Variants in TMC1 observed in about 807,000 individuals in gnomAD.
TMC1 encodes transmembrane channel-like protein 1.
Under a neutral mutation model 105.8 loss-of-function variants are expected in TMC1, and 84 were observed. The ratio of observed to expected loss-of-function variants is 0.79; its 90% confidence interval spans 0.67 to 0.95. The LOEUF is 0.95. Ranked by LOEUF, TMC1 falls within the 40% of genes least tolerant of loss-of-function variation. The probability of loss-of-function intolerance (pLI) is 0.00; values close to 1 mark genes in which losing one functional copy is unlikely to be tolerated. For synonymous variants in TMC1, 315 were observed against 311.5 expected (o/e 1.01, Z -0.12); for missense variants, 817 against 914.1 (o/e 0.89, Z 1.37).
intron 3 of TMC1, among the ~76,000 whole-genome samples, chr9:72,617,034 C>A (rs972689356): frequency 6.6e-6 from 1 of 152,074 alleles, no homozygotes; most frequent in African/African-American, 2.4e-5. Context: ...TGTATTTAAG[C>A]AAAATTAAGT....
intron 8 of TMC1, among the ~76,000 whole-genome samples, chr9:72,717,725 A>G (rs1315546992): frequency 1.3e-5 from 2 of 152,020 alleles, no homozygotes; most frequent in Non-Finnish European, 2.9e-5. Context: ...AGCTCTTAAG[A>G]TTTTTCCCTC....
intron 2 of TMC1, among the ~76,000 whole-genome samples, chr9:72,595,164 C>T (rs913153409): frequency 6.6e-6 from 1 of 152,090 alleles, no homozygotes; most frequent in African/African-American, 2.4e-5. Context: ...ACATGCCTGG[C>T]CTCCTCTGCT....
At chr9:72,659,729 T>G (rs1825946021) in intron 5 of TMC1, among the ~76,000 whole-genome samples, 1 of 152,194 alleles carries the variant, frequency 6.6e-6, no homozygotes, top group Non-Finnish European at 1.5e-5. Context: ...GAACTATAAT[T>G]ATAGTTAGTA....
intron 12 of TMC1, among the ~76,000 whole-genome samples, chr9:72,761,888 C>T (rs566757201): frequency 6.6e-6 from 1 of 152,268 alleles, no homozygotes; most frequent in South Asian, 2.1e-4. Flanking sequence ...TGGAATAACA[C>T]ATCTTTTGTT....
At chr9:72,812,605 C>A (rs1828724077) in intron 18 of TMC1, among the ~76,000 whole-genome samples, 1 of 152,196 alleles carries the variant, frequency 6.6e-6, no homozygotes, top group Non-Finnish European at 1.5e-5. Context: ...GATCTGAGGC[C>A]AGGCCCGAGA....
intron 1 of TMC1, among the ~76,000 whole-genome samples, chr9:72,523,693 A>T (rs1476584940): frequency 1.3e-5 from 2 of 151,902 alleles, no homozygotes; most frequent in African/African-American, 4.8e-5. Flanking sequence ...GAGGTGCAGG[A>T]GGTGGAAGGG....
intron 4 of TMC1, among the ~76,000 whole-genome samples, chr9:72,629,670 A>G (rs956906492): frequency 1.3e-5 from 2 of 152,208 alleles, no homozygotes; most frequent in Non-Finnish European, 2.9e-5. Context: ...GCTTGAGAGC[A>G]TATAACTTAT....
intron 5 of TMC1, among the ~76,000 whole-genome samples, chr9:72,682,560 C>G (rs1251605286): frequency 6.6e-6 from 1 of 152,148 alleles, no homozygotes; most frequent in East Asian, 1.9e-4. Context: ...CTAGAAGTAG[C>G]AAAGATAAAG....
intron 13 of TMC1, among the ~76,000 whole-genome samples, chr9:72,784,382 C>T (rs1828137693): frequency 6.6e-6 from 1 of 151,820 alleles, no homozygotes; most frequent in African/African-American, 2.4e-5. Context: ...GAGATACTAT[C>T]TCACACCAGT....
intron 1 of TMC1, among the ~76,000 whole-genome samples, chr9:72,560,338 G>C (rs1824023796): frequency 6.6e-6 from 1 of 152,168 alleles, no homozygotes; most frequent in Non-Finnish European, 1.5e-5. Context: ...TGCATGTACA[G>C]TATAAACACC....
intron 4 of TMC1, among the ~76,000 whole-genome samples, chr9:72,634,333 TA>T (rs1245831535): frequency 2.6e-5 from 4 of 152,228 alleles, no homozygotes; most frequent in African/African-American, 7.2e-5. Context: ...GAGGGGAAGT[TA>T]AAAATCTTGT....
intron 17 of TMC1, among the ~76,000 whole-genome samples, chr9:72,797,054 G>C (rs189704239): frequency 1.3e-5 from 2 of 151,964 alleles, no homozygotes; most frequent in Non-Finnish European, 2.9e-5. Context: ...AAAATTGCTC[G>C]CATTCTTATA....
intron 19 of TMC1, among the ~76,000 whole-genome samples, chr9:72,817,569 A>G (rs1000408369): frequency 5.3e-5 from 8 of 152,298 alleles, no homozygotes; most frequent in Admixed American, 5.2e-4. Context: ...TGGCTTTTAC[A>G]CAAAGTGTCA....
At chr9:72,821,729 G>A (rs1828876378) in intron 20 of TMC1, among the ~76,000 whole-genome samples, 1 of 152,212 alleles carries the variant, frequency 6.6e-6, no homozygotes, top group Admixed American at 6.5e-5. Context: ...TGGTCTGGAT[G>A]TGAGTTTGCC....
chr9:72,621,440 C>T (rs930517898), intron 3 of TMC1, among the ~76,000 whole-genome samples: 1 of 152,112 alleles, frequency 6.6e-6, no homozygotes, highest in African/African-American at 2.4e-5. Context: ...TCCAAGTCCT[C>T]AATCCAAAAG....
chr9:72,602,784 T>C (rs1004352607), intron 2 of TMC1, among the ~76,000 whole-genome samples: 4 of 152,204 alleles, frequency 2.6e-5, no homozygotes, highest in South Asian at 2.1e-4. Context: ...TTTTCTGAGA[T>C]GAATGCTGTT....
chr9:72,751,615 T>G (rs1165829765), intron 10 of TMC1, among the ~76,000 whole-genome samples: 1 of 152,216 alleles, frequency 6.6e-6, no homozygotes, highest in Non-Finnish European at 1.5e-5. Flanking sequence ...TCACATGCAG[T>G]CTGCATAACT....
intron 3 of TMC1, among the ~76,000 whole-genome samples, chr9:72,624,907 C>T (rs1488614396): frequency 6.6e-6 from 1 of 152,204 alleles, no homozygotes; most frequent in Non-Finnish European, 1.5e-5. Flanking sequence ...TGGCCAAGTC[C>T]TGCGGACAAA....
intron 12 of TMC1, among the ~76,000 whole-genome samples, chr9:72,755,426 A>G (rs1406684856): frequency 1.3e-5 from 2 of 152,208 alleles, no homozygotes; most frequent in Non-Finnish European, 2.9e-5. Flanking sequence ...AAAGCTAAAT[A>G]TTGAAAACTA....
Sources: gnomAD v4.1 joint callset for allele counts (sites outside exome capture counted in the v4.1 genomes callset) on GRCh38, gnomAD v4.1.1 for gene constraint, MANE v1.5 for transcripts, NCBI Gene and HGNC (gene_info 2026-07-23, HGNC 2026-07-21) for gene names.